INPP4B: variants seen among roughly 807,000 people sequenced by gnomAD.
The protein encoded by INPP4B is inositol polyphosphate-4-phosphatase type II B.
Under a neutral mutation model 122.5 loss-of-function variants are expected in INPP4B, and 55 were observed. The observed-to-expected ratio is 0.45, with a 90% CI of 0.36 to 0.56. The LOEUF (loss-of-function observed/expected upper bound fraction) is 0.56. INPP4B is among the 20% of genes least tolerant of loss of function. The pLI, the probability that INPP4B is intolerant of heterozygous loss-of-function variation, is 0.00. For synonymous variants in INPP4B, 403 were observed against 388.7 expected (o/e 1.04, Z -0.43); for missense variants, 1,000 against 1,097.7 (o/e 0.91, Z 1.26).
rs1049813169 is a variant in INPP4B at position 142,221,163 on chromosome 4, G to A, written c.837-12137C>T. 2.0e-5 allele frequency among the ~76,000 whole-genome samples: 3 copies of A among 152,002 alleles called. No individual in the cohort carries two copies. The East Asian group carries it at 5.8e-4, about 29-fold the overall frequency. On this transcript the variant is annotated intron_variant, in intron 12 of 25. Transcript: ENST00000262992. ...GCCTGTAATCCCAGCACTTTGGGAG[G>A]CCGAGGCGAGTGGATCACGAGGTCA...
chr4:142,088,570 A>G (rs1777950809), intron 23 of INPP4B, among the ~76,000 whole-genome samples: 1 of 152,178 alleles, frequency 6.6e-6, no homozygotes, highest in African/African-American at 2.4e-5. Context: ...ATATGTATAT[A>G]GGCAGAGTGA....
intron 7 of INPP4B, among the ~76,000 whole-genome samples, chr4:142,365,347 C>T (rs1315037092): frequency 6.6e-6 from 1 of 152,092 alleles, no homozygotes; most frequent in Admixed American, 6.6e-5. Flanking sequence ...CAACTGAGAT[C>T]ACGAAGAAGG....
intron 2 of INPP4B, among the ~76,000 whole-genome samples, chr4:142,721,094 T>C (rs1764601854): frequency 6.6e-6 from 1 of 151,632 alleles, no homozygotes; most frequent in African/African-American, 2.4e-5. Context: ...ATCTTAGTGC[T>C]GCAAAACCAG....
Position 142,028,153 on chromosome 4 carries a change from T to G in INPP4B, c.*629A>C, listed in dbSNP as rs972317749. ...GAAAAGATGCCATGGTTTTGAAAGG[T>G]CTGTTGACCACTTTACTCACTCCAT... is the stretch of plus-strand genomic sequence containing the variant. On this transcript the variant is annotated 3_prime_UTR_variant, in exon 26 of 26. Transcript: ENST00000262992. The G allele has an allele frequency of 8.7e-6, 2 of 229,418 alleles. No individual in the cohort carries two copies. The highest frequency in any genetic ancestry group is 1.7e-5 in the Non-Finnish European group (2 of 115,758). 14.2% of individuals were successfully genotyped at this position (229,418 alleles called of 1,614,324 possible).
At chr4:142,735,924 A>AACACAC (rs33993491) in intron 1 of INPP4B, among the ~76,000 whole-genome samples, 4,306 of 142,680 alleles carry the variant, frequency 0.03, 80 homozygotes, top group African/African-American at 0.042. Flanking sequence ...TATACATTGC[A>AACACAC]ACACACACAC....
At chr4:142,048,126 C>CAGAG in intron 25 of INPP4B, among the ~76,000 whole-genome samples, 1 of 152,196 alleles carries the variant, frequency 6.6e-6, no homozygotes, top group Admixed American at 6.6e-5. Flanking sequence ...TTGGAAAACT[C>CAGAG]AGAGATATTA....
chr4:142,053,656 G>C (rs960759573), intron 25 of INPP4B, among the ~76,000 whole-genome samples: 3 of 151,972 alleles, frequency 2.0e-5, no homozygotes, highest in Non-Finnish European at 2.9e-5. Flanking sequence ...ATATTAACCT[G>C]AATCTCCCAA....
chr4:142,178,616 A>C (rs1163896654), intron 15 of INPP4B, among the ~76,000 whole-genome samples: 1 of 152,032 alleles, frequency 6.6e-6, no homozygotes, highest in Admixed American at 6.6e-5. Context: ...GGAGCCATTA[A>C]AAAATAGAGA....
At chr4:142,138,096 T>C (rs1191666265) in intron 18 of INPP4B, among the ~76,000 whole-genome samples, 6 of 151,578 alleles carry the variant, frequency 4.0e-5, no homozygotes, top group Non-Finnish European at 7.4e-5. Context: ...CGTATGTTTA[T>C]TGCGGCACTA....
chr4:142,747,456 A>G (rs1473771581), intron 1 of INPP4B, among the ~76,000 whole-genome samples: 2 of 152,134 alleles, frequency 1.3e-5, no homozygotes, highest in Middle Eastern at 3.2e-3. Flanking sequence ...TGTGGAAGAG[A>G]GTGTGGTGAT....
chr4:142,713,933 C>T (rs1763427365), intron 2 of INPP4B, among the ~76,000 whole-genome samples: 2 of 152,130 alleles, frequency 1.3e-5, no homozygotes. Context: ...TTACAGTGTG[C>T]TTCATTGAAA....
chr4:142,352,349 C>T (rs1244951800), intron 7 of INPP4B, among the ~76,000 whole-genome samples: 1 of 151,936 alleles, frequency 6.6e-6, no homozygotes, highest in Non-Finnish European at 1.5e-5. Context: ...AATACATCAA[C>T]TTTCCTTCTT....
At chr4:142,380,033 G>C (rs1434214181) in intron 7 of INPP4B, among the ~76,000 whole-genome samples, 4 of 152,206 alleles carry the variant, frequency 2.6e-5, no homozygotes, top group African/African-American at 9.7e-5. Flanking sequence ...GAAATAACTT[G>C]AGGCAGAAAT....
chr4:142,365,018 A>G (rs774262319), intron 7 of INPP4B, among the ~76,000 whole-genome samples: 2 of 152,148 alleles, frequency 1.3e-5, no homozygotes, highest in Non-Finnish European at 2.9e-5. Context: ...AGGTAAGAAT[A>G]GGAGGAGTAG....
At chr4:142,719,390 C>A (rs1764211069) in intron 2 of INPP4B, among the ~76,000 whole-genome samples, 1 of 150,758 alleles carries the variant, frequency 6.6e-6, no homozygotes, top group Admixed American at 6.6e-5. Flanking sequence ...GTGGTGTGAC[C>A]ACGGCTCCCT....
At chr4:142,768,908 T>C (rs1772578669) in intron 1 of INPP4B, among the ~76,000 whole-genome samples, 1 of 152,176 alleles carries the variant, frequency 6.6e-6, no homozygotes, top group Non-Finnish European at 1.5e-5. Context: ...GATTTGTTTT[T>C]TGGAACTTGC....
At chr4:142,518,123 G>A (rs1482940379) in intron 2 of INPP4B, among the ~76,000 whole-genome samples, 5 of 152,080 alleles carry the variant, frequency 3.3e-5, no homozygotes, top group Non-Finnish European at 5.9e-5. Flanking sequence ...ATAATATATT[G>A]ATCTATTTCA....
chr4:142,329,234 T>G (rs2151511351), intron 7 of INPP4B, among the ~76,000 whole-genome samples: 1 of 151,034 alleles, frequency 6.6e-6, no homozygotes, highest in Non-Finnish European at 1.5e-5. Context: ...CTGAGGTGGG[T>G]TTCCCTGAGC....
At chr4:142,055,249 GTTTA>G (rs1171117309) in intron 25 of INPP4B, among the ~76,000 whole-genome samples, 3 of 152,034 alleles carry the variant, frequency 2.0e-5, no homozygotes, top group African/African-American at 7.2e-5. Context: ...ACTATTAATG[GTTTA>G]TTAATTAATA....
Sources: gnomAD v4.1 joint callset for allele counts (sites outside exome capture counted in the v4.1 genomes callset) on GRCh38, gnomAD v4.1.1 for gene constraint, MANE v1.5 for transcripts, NCBI Gene and HGNC (gene_info 2026-07-23, HGNC 2026-07-21) for gene names.